Variants in UGCG observed in about 807,000 individuals in gnomAD.
UGCG encodes the protein ceramide glucosyltransferase.
In UGCG, 10 loss-of-function variants were observed where a neutral mutation model predicts 49.5. The observed-to-expected ratio is 0.20, with a 90% CI of 0.12 to 0.34. The LOEUF is 0.34. Ranked by LOEUF, UGCG falls within the 10% of genes least tolerant of loss-of-function variation. The pLI, the probability that UGCG is intolerant of heterozygous loss-of-function variation, is 1.00. For missense variants in UGCG, 312 were observed against 483.7 expected (o/e 0.65, Z 3.33); for synonymous variants, 182 against 158.2 (o/e 1.15, Z -1.13).
intron 1 of UGCG, among the ~76,000 whole-genome samples, chr9:111,899,964 G>A (rs1313412737): frequency 5.3e-5 from 8 of 152,096 alleles, no homozygotes; most frequent in Non-Finnish European, 1.2e-4. Flanking sequence ...ACCTATTTTA[G>A]ATGGCAGATG....
rs1460754529 is a variant in UGCG, at chr9:111,934,676, A to G, written c.*1679A>G. On this transcript the variant is annotated 3_prime_UTR_variant, in exon 9 of 9. Coordinates refer to ENST00000374279, the MANE Select transcript of UGCG (RefSeq NM_003358.3). The stretch of plus-strand genomic sequence containing the variant: ...ATATCTATAAGTATGTATACACATT[A>G]TATTTAAGCTTTTCTCTGGGCCAAA... 6.6e-6 allele frequency: 1 copy of G among 151,376 alleles called. No individual in the cohort carries two copies. The highest frequency in any genetic ancestry group is 1.5e-5 in the Non-Finnish European group (1 of 67,920). 9.4% of individuals were successfully genotyped at this position (151,376 alleles called of 1,614,324 possible).
intron 3 of UGCG, 42 bp downstream of exon 3, chr9:111,922,993 A>G (rs745613902): frequency 1.6e-6 from 2 of 1,274,936 alleles, no homozygotes; most frequent in Admixed American, 3.5e-5. Flanking sequence ...CATTGATAGT[A>G]TTAAGTATCA....
At chr9:111,907,952 A>C (rs1249203798) in intron 1 of UGCG, among the ~76,000 whole-genome samples, 1 of 152,138 alleles carries the variant, frequency 6.6e-6, no homozygotes, top group Non-Finnish European at 1.5e-5. Flanking sequence ...GTGTCATAGG[A>C]ATCACTGTCT....
chr9:111,903,706 C>T (rs10981148), intron 1 of UGCG, among the ~76,000 whole-genome samples: 1,764 of 152,312 alleles, frequency 0.012, 44 homozygotes, highest in African/African-American at 0.041. Context: ...AGCAGTCCTC[C>T]TACCTCAGCC....
At chr9:111,922,675 C>T in intron 2 of UGCG, 174 bp from the exon 3 acceptor site, 1 of 408,356 alleles carries the variant, frequency 2.4e-6, no homozygotes, top group Admixed American at 4.5e-5. Flanking sequence ...AGCTTCACTC[C>T]ATTAAAGCAA....
intron 7 of UGCG, among the ~76,000 whole-genome samples, chr9:111,931,677 A>G (rs1475275843): frequency 6.6e-6 from 1 of 152,188 alleles, no homozygotes; most frequent in African/African-American, 2.4e-5. Flanking sequence ...ATACAAATGA[A>G]TTTAAAGACA....
At chr9:111,904,875 A>AG (rs1229531314) in intron 1 of UGCG, among the ~76,000 whole-genome samples, 1 of 152,096 alleles carries the variant, frequency 6.6e-6, no homozygotes, top group African/African-American at 2.4e-5. Context: ...AGGAAAAAAA[A>AG]TTCAACTAGA....
At chr9:111,901,402 A>G (rs576023513) in intron 1 of UGCG, among the ~76,000 whole-genome samples, 168 of 152,340 alleles carry the variant, frequency 1.1e-3, no homozygotes, top group South Asian at 3.5e-3. Flanking sequence ...AACGTTCATC[A>G]GTCAGGATCA....
intron 1 of UGCG, among the ~76,000 whole-genome samples, chr9:111,908,456 G>C (rs1837932932): frequency 6.6e-6 from 1 of 152,174 alleles, no homozygotes; most frequent in Non-Finnish European, 1.5e-5. Flanking sequence ...GAGGACTTCT[G>C]GGGTTCTGCT....
At chr9:111,931,161 C>T in intron 6 of UGCG, 110 bp from the exon 7 acceptor site, 2 of 1,042,168 alleles carry the variant, frequency 1.9e-6, no homozygotes, top group Non-Finnish European at 2.8e-6. Context: ...CTGGGCTCAC[C>T]CTGAATACCG....
At chr9:111,919,473 A>T (rs1838177075) in intron 2 of UGCG, among the ~76,000 whole-genome samples, 1 of 150,814 alleles carries the variant, frequency 6.6e-6, no homozygotes, top group Non-Finnish European at 1.5e-5. Context: ...ACAGTGAAAG[A>T]CCCTGTCTCA....
chr9:111,918,801 T>C (rs1355723969), intron 2 of UGCG, among the ~76,000 whole-genome samples: 1 of 151,430 alleles, frequency 6.6e-6, no homozygotes, highest in African/African-American at 2.4e-5. Flanking sequence ...GGCGGGTGCC[T>C]GTAGTCCCAG....
At chr9:111,923,363 GTT>G (rs34690862) in intron 3 of UGCG, among the ~76,000 whole-genome samples, 19,084 of 146,264 alleles carry the variant, frequency 0.13, 1,579 homozygotes, top group African/African-American at 0.24. Context: ...TGCCATTAGT[GTT>G]TTTTTTTTTT....
chr9:111,921,871 C>T (rs562021065), intron 2 of UGCG, among the ~76,000 whole-genome samples: 14 of 120,334 alleles, frequency 1.2e-4, no homozygotes, highest in East Asian at 2.9e-4. Flanking sequence ...AATGTAGTGG[C>T]GCAGTCTTCG....
intron 2 of UGCG, among the ~76,000 whole-genome samples, chr9:111,918,477 C>T (rs1030818796): frequency 6.6e-6 from 1 of 152,154 alleles, no homozygotes; most frequent in African/African-American, 2.4e-5. Context: ...ATGCTGCCTC[C>T]AATTTGGTGT....
At chr9:111,930,998 T>G (rs1180357570) in intron 6 of UGCG, among the ~76,000 whole-genome samples, 2 of 152,220 alleles carry the variant, frequency 1.3e-5, no homozygotes, top group Non-Finnish European at 2.9e-5. Context: ...CTCTCCATTT[T>G]TTTTCAAAAT....
intron 1 of UGCG, among the ~76,000 whole-genome samples, chr9:111,912,911 G>A (rs1046304664): frequency 2.0e-5 from 3 of 152,138 alleles, no homozygotes; most frequent in South Asian, 4.1e-4. Context: ...GTGTGCGTGT[G>A]TGCACGTGTG....
intron 1 of UGCG, among the ~76,000 whole-genome samples, chr9:111,902,075 G>T (rs962494963): frequency 2.0e-5 from 3 of 152,168 alleles, no homozygotes; most frequent in African/African-American, 7.2e-5. Flanking sequence ...GCTTTCTTTG[G>T]AATTGTCTTT....
chr9:111,924,019 C>A (rs1311777351), intron 3 of UGCG, among the ~76,000 whole-genome samples: 1 of 152,088 alleles, frequency 6.6e-6, no homozygotes, highest in Non-Finnish European at 1.5e-5. Context: ...AAGTCCTGAC[C>A]TCAGGTGATC....
Sources: gnomAD v4.1 joint callset for allele counts (sites outside exome capture counted in the v4.1 genomes callset) on GRCh38, gnomAD v4.1.1 for gene constraint, MANE v1.5 for transcripts, NCBI Gene and HGNC (gene_info 2026-07-23, HGNC 2026-07-21) for gene names.